TBC1D14: variants seen among roughly 807,000 people sequenced by gnomAD.
The protein encoded by TBC1D14 is TBC1 domain family member 14, also known as TBC1 domain family, member 14.
Under a neutral mutation model 79.0 loss-of-function variants are expected in TBC1D14, and 26 were observed. The observed-to-expected ratio is 0.33, with a 90% CI of 0.24 to 0.46. The LOEUF is 0.46. Ranked by LOEUF, TBC1D14 falls within the 20% of genes least tolerant of loss-of-function variation. TBC1D14 has a pLI of 1.00. For missense variants in TBC1D14, 769 were observed against 887.6 expected (o/e 0.87, Z 1.70); for synonymous variants, 394 against 349.9 (o/e 1.13, Z -1.40).
At chr4:6,929,850 G>A (rs1711561946) in intron 2 of TBC1D14, among the ~76,000 whole-genome samples, 1 of 152,172 alleles carries the variant, frequency 6.6e-6, no homozygotes, top group Admixed American at 6.5e-5. Flanking sequence ...CAGCTTCTGG[G>A]CCAGGCACTT....
At chr4:6,987,033 C>A in intron 3 of TBC1D14, 3 of 352,526 alleles carry the variant, frequency 8.5e-6, no homozygotes, top group Non-Finnish European at 1.3e-5. Flanking sequence ...CGGCGCGCGT[C>A]CCCGGTGTTT....
chr4:7,022,855 G>C (rs924968653), intron 12 of TBC1D14, among the ~76,000 whole-genome samples: 5 of 151,870 alleles, frequency 3.3e-5, no homozygotes, highest in Non-Finnish European at 7.4e-5. Flanking sequence ...ACAAACTTTA[G>C]TTCTTTGGGC....
intron 2 of TBC1D14, among the ~76,000 whole-genome samples, chr4:6,939,998 C>A (rs1442537748): frequency 6.6e-6 from 1 of 152,254 alleles, no homozygotes; most frequent in Non-Finnish European, 1.5e-5. Flanking sequence ...GCCTGTGCCC[C>A]TGGCTCCCGC....
chr4:6,978,300 G>C (rs527888799), intron 3 of TBC1D14, among the ~76,000 whole-genome samples: 52 of 150,928 alleles, frequency 3.4e-4, no homozygotes, highest in East Asian at 2.3e-3. Flanking sequence ...GAATAGAAAG[G>C]GGGGAAAGGT....
At chr4:6,975,103 A>G (rs530852792) in intron 3 of TBC1D14, among the ~76,000 whole-genome samples, 14 of 152,208 alleles carry the variant, frequency 9.2e-5, no homozygotes, top group South Asian at 4.2e-4. Context: ...TAGTAGAGAC[A>G]GGGTTTCACT....
At chr4:6,917,048 T>C (rs1228651076) in intron 1 of TBC1D14, among the ~76,000 whole-genome samples, 2 of 152,220 alleles carry the variant, frequency 1.3e-5, no homozygotes, top group African/African-American at 4.8e-5. Flanking sequence ...CTAACCAGTG[T>C]GTAGGCTGGT....
rs546156748 is a variant in TBC1D14 at position 7,012,690 on chromosome 4, A to G, written c.1648-1758A>G. Among the ~76,000 whole-genome samples, 12 of 152,370 alleles carry G rather than the reference A, an allele frequency of 7.9e-5. No homozygotes were observed. In the South Asian group the frequency reaches 2.1e-3, roughly 26 times the overall value. On this transcript the variant is annotated intron_variant, in intron 11 of 13. Transcript: ENST00000409757. ...AACTATAGTGACTGTTGTATTTAAC[A>G]ATAAAAGGAAATATGCCACAGAATT...
At chr4:6,979,319 G>C (rs1256257695) in intron 3 of TBC1D14, among the ~76,000 whole-genome samples, 2 of 152,174 alleles carry the variant, frequency 1.3e-5, no homozygotes, top group Non-Finnish European at 2.9e-5. Flanking sequence ...AGTTCTGACA[G>C]ATTGTCAGAA....
chr4:6,951,584 C>T (rs184540033), intron 2 of TBC1D14, among the ~76,000 whole-genome samples: 15 of 152,318 alleles, frequency 9.8e-5, no homozygotes, highest in African/African-American at 3.6e-4. Flanking sequence ...CACCTACACC[C>T]CCTCCCTCAC....
intron 5 of TBC1D14, among the ~76,000 whole-genome samples, chr4:6,997,872 A>T (rs1392626442): frequency 6.6e-6 from 1 of 152,110 alleles, no homozygotes; most frequent in Admixed American, 6.6e-5. Flanking sequence ...GGAGACGGGG[A>T]GTAGGAAGTT....
Position 6,965,019 on chromosome 4 carries a change from A to G in TBC1D14, c.723-2285A>G, listed in dbSNP as rs1306977819. Among the ~76,000 whole-genome samples, 8 of 152,232 alleles carry G rather than the reference A, an allele frequency of 5.3e-5. 1 individual carries two copies. Among genetic ancestry groups the G allele is most frequent in the Non-Finnish European group, 1.5e-5 (1 of 68,032 alleles). On this transcript the variant is annotated intron_variant, in intron 2 of 13. Transcript: ENST00000409757. The stretch of plus-strand genomic sequence containing the variant: ...ATACCATGTCTGTTTACCCTTAAAT[A>G]TATCAGCATATTTCCTAAGAACAAG...
At chr4:6,934,304 G>A (rs1228574550) in intron 2 of TBC1D14, among the ~76,000 whole-genome samples, 5 of 152,052 alleles carry the variant, frequency 3.3e-5, no homozygotes, top group African/African-American at 9.7e-5. Context: ...GAGGGCACGA[G>A]TGTGGGGTCT....
chr4:7,018,324 G>T (rs541029494), intron 12 of TBC1D14, among the ~76,000 whole-genome samples: 1 of 152,286 alleles, frequency 6.6e-6, no homozygotes, highest in Admixed American at 6.5e-5. Context: ...GGTGTGGCCA[G>T]CTCAGCGTCC....
intron 1 of TBC1D14, among the ~76,000 whole-genome samples, chr4:6,920,112 C>T (rs1009298975): frequency 1.3e-5 from 2 of 152,150 alleles, no homozygotes; most frequent in African/African-American, 4.8e-5. Context: ...GGGGGTCTCA[C>T]TGTGTTGCCC....
At chr4:6,930,061 A>T (rs1711588397) in intron 2 of TBC1D14, among the ~76,000 whole-genome samples, 1 of 152,170 alleles carries the variant, frequency 6.6e-6, no homozygotes, top group Non-Finnish European at 1.5e-5. Flanking sequence ...GAGCAAAAGG[A>T]GATGAATGAG....
chr4:6,980,193 T>C lies in TBC1D14; in HGVS notation c.843+12769T>C, dbSNP rs1360856343. Among the ~76,000 whole-genome samples, 3 of 152,200 alleles carry C rather than the reference T, an allele frequency of 2.0e-5. No homozygotes were observed. In the East Asian group the frequency reaches 5.8e-4, roughly 29 times the overall value. ...AAAAATTTCAAAAGGATTAAAATTA[T>C]ACAAAATATGTTCTGACCAGAGTGA... On this transcript the variant is annotated intron_variant, in intron 3 of 13. Coordinates refer to ENST00000409757, the MANE Select transcript of TBC1D14 (RefSeq NM_020773.3).
chr4:7,030,219 G>T (rs1309310166), intron 13 of TBC1D14, 108 bp from the exon 14 acceptor site: 8 of 997,066 alleles, frequency 8.0e-6, no homozygotes, highest in African/African-American at 1.6e-5. Flanking sequence ...CAGTGGAAGT[G>T]GGGAGCCGGG....
chr4:7,015,481 G>A (rs920044648), intron 12 of TBC1D14, among the ~76,000 whole-genome samples: 1 of 152,176 alleles, frequency 6.6e-6, no homozygotes, highest in African/African-American at 2.4e-5. Context: ...GTGCCTGCGG[G>A]ACATGTGAGT....
At position 7,001,210 on chromosome 4, in the gene TBC1D14, T is replaced by C; in HGVS notation, c.1229T>C (p.Val410Ala). ...QGIPPSVRGKVWSLAIGNELN... is the reference protein window; with the variant it reads ...QGIPPSVRGKAWSLAIGNELN... ...ATCCCTCCAAGTGTGAGAGGCAAAG[T>C]CTGGAGCTTAGCCATTGGCAACGAG... The change falls in exon 7 of 14, where the codon GTC (valine) becomes GCC (alanine). Residue 410 changes from valine (V) to alanine (A), a missense_variant. By Grantham distance (64) the Val-to-Ala change is moderately conservative. This residue lies in a region of TBC1D14 where 367 missense variants were observed against 494.4 expected (regional missense o/e 0.74). Transcript: ENST00000409757. 1 of 1,614,136 alleles carries C rather than the reference T, an allele frequency of 6.2e-7. No homozygotes were observed. Among genetic ancestry groups the C allele is most frequent in the East Asian group, 2.2e-5 (1 of 44,886 alleles).
Sources: gnomAD v4.1 joint callset for allele counts (sites outside exome capture counted in the v4.1 genomes callset) on GRCh38, gnomAD v4.1.1 for gene constraint, gnomAD v4.1.1 regional missense constraint, MANE v1.5 for transcripts, NCBI Gene and HGNC (gene_info 2026-07-23, HGNC 2026-07-21) for gene names.